Variants in GNAO1 observed in about 807,000 individuals in gnomAD.
GNAO1 encodes the protein G protein subunit alpha o1.
For synonymous variants in GNAO1, 164 were observed against 180.7 expected (o/e 0.91, Z 0.74); for missense variants, 166 against 478.7 (o/e 0.35, Z 6.10).
intron 3 of GNAO1, among the ~76,000 whole-genome samples, chr16:56,295,776 TA>T (rs1371004348): frequency 6.6e-6 from 1 of 152,204 alleles, no homozygotes; most frequent in Non-Finnish European, 1.5e-5. Context: ...TTCCTCCCAA[TA>T]TTCCACCCTG....
At chr16:56,303,853 G>A (rs1411586165) in intron 3 of GNAO1, among the ~76,000 whole-genome samples, 1 of 151,622 alleles carries the variant, frequency 6.6e-6, no homozygotes, top group Non-Finnish European at 1.5e-5. Context: ...CAGCCCTCAA[G>A]TTGAAGCCAG....
intron 5 of GNAO1, among the ~76,000 whole-genome samples, chr16:56,335,608 C>T (rs1286121053): frequency 1.3e-5 from 2 of 152,154 alleles, no homozygotes; most frequent in Non-Finnish European, 1.5e-5. Context: ...ACTGAGGGGC[C>T]GAGGCTCTGG....
intron 3 of GNAO1, among the ~76,000 whole-genome samples, chr16:56,313,218 T>C (rs939685277): frequency 6.6e-6 from 1 of 152,214 alleles, no homozygotes. Flanking sequence ...GGTATGATGC[T>C]TGGGAAAGAA....
At chr16:56,227,797 A>G (rs968204562) in intron 2 of GNAO1, among the ~76,000 whole-genome samples, 2 of 148,778 alleles carry the variant, frequency 1.3e-5, no homozygotes, top group African/African-American at 4.9e-5. Flanking sequence ...CCCTGGTATT[A>G]TTGTTGTTAT....
intron 2 of GNAO1, among the ~76,000 whole-genome samples, chr16:56,208,935 T>A (rs2036358491): frequency 6.6e-6 from 1 of 152,188 alleles, no homozygotes; most frequent in African/African-American, 2.4e-5. Context: ...TGGCTTGTCT[T>A]TTCACTTTGT....
Position 56,232,171 on chromosome 16 carries a change from T to C in GNAO1, c.161+39555T>C, listed in dbSNP as rs559932788. Among the ~76,000 whole-genome samples the C allele has an allele frequency of 9.8e-5, 15 of 152,358 alleles. No homozygotes were observed. The East Asian group carries it at 2.9e-3, about 29-fold the overall frequency. The stretch of plus-strand genomic sequence containing the variant: ...TCATCTTTTGATGCATCCTCCCTCC[T>C]GCAGCCTCTCCTACAAAAATAAAAA... On this transcript the variant is annotated intron_variant, in intron 2 of 8. Coordinates refer to ENST00000262493, the MANE Select transcript of GNAO1 (RefSeq NM_020988.3).
rs1485695005 is a variant in GNAO1, at chr16:56,311,130, G to T, written c.304-17501G>T. Among the ~76,000 whole-genome samples, 1 of 150,616 alleles carries T rather than the reference G, an allele frequency of 6.6e-6. No individual in the cohort carries two copies. Among genetic ancestry groups the T allele is most frequent in the Non-Finnish European group, 1.5e-5 (1 of 67,754 alleles). On this transcript the variant is annotated intron_variant, in intron 3 of 8. Coordinates refer to ENST00000262493, the MANE Select transcript of GNAO1 (RefSeq NM_020988.3). This position sits in a 1 kb window ranked among gnomAD's most constrained non-coding sequence, Gnocchi z 5.2. ...AGAAAGGAACTCCTTTTTTCTAATT[G>T]TACCGGCTGGCTTCTATCTACCCTG... is the stretch of plus-strand genomic sequence containing the variant.
At chr16:56,304,973 T>C (rs1220484211) in intron 3 of GNAO1, among the ~76,000 whole-genome samples, 3 of 152,228 alleles carry the variant, frequency 2.0e-5, no homozygotes, top group Non-Finnish European at 2.9e-5. Flanking sequence ...ACAGGTAGGG[T>C]TAGCCGGCCC....
At chr16:56,275,864 G>A in intron 2 of GNAO1, 67 bp from the exon 3 acceptor site, 1 of 1,419,666 alleles carries the variant, frequency 7.0e-7, no homozygotes, top group Non-Finnish European at 9.5e-7. Context: ...TGCGTCTCAT[G>A]CCTGTGCTCT....
intron 2 of GNAO1, among the ~76,000 whole-genome samples, chr16:56,246,270 C>T (rs950651301): frequency 2.0e-5 from 3 of 152,188 alleles, no homozygotes; most frequent in East Asian, 1.9e-4. Flanking sequence ...CTGAAGCAGT[C>T]GTTAACCTTT....
intron 3 of GNAO1, among the ~76,000 whole-genome samples, chr16:56,293,220 T>C (rs2037249631): frequency 6.6e-6 from 1 of 152,242 alleles, no homozygotes; most frequent in South Asian, 2.1e-4. Context: ...GTCTCTGGCA[T>C]AGTGCTCAGG....
intron 3 of GNAO1, among the ~76,000 whole-genome samples, chr16:56,290,960 G>A (rs1303003186): frequency 1.3e-5 from 2 of 152,180 alleles, no homozygotes; most frequent in African/African-American, 4.8e-5. Flanking sequence ...TTTCCGTGTT[G>A]TAGCTGAATC....
chr16:56,317,398 T>TA (rs552160407), intron 3 of GNAO1, among the ~76,000 whole-genome samples: 61 of 152,288 alleles, frequency 4.0e-4, no homozygotes, highest in Non-Finnish European at 7.3e-4. Flanking sequence ...TGTCAAATGT[T>TA]AAAGTCCTTA....
chr16:56,321,002 A>G (rs2037566321), intron 3 of GNAO1, among the ~76,000 whole-genome samples: 1 of 152,170 alleles, frequency 6.6e-6, no homozygotes, highest in Non-Finnish European at 1.5e-5. Context: ...GTCCCATGGG[A>G]GAGAGAGGGG....
chr16:56,336,616 A>G, intron 5 of GNAO1, 115 bp from the exon 6 acceptor site: 1 of 934,758 alleles, frequency 1.1e-6, no homozygotes, highest in Non-Finnish European at 1.6e-6. Flanking sequence ...GGCTTTTAGC[A>G]AGGCTCTGAG....
chr16:56,197,470 G>T (rs1270883685), intron 2 of GNAO1, among the ~76,000 whole-genome samples: 1 of 152,224 alleles, frequency 6.6e-6, no homozygotes, highest in Non-Finnish European at 1.5e-5. Context: ...GTAAATACCA[G>T]CAGACCTTCC....
At chr16:56,214,814 G>C (rs1370775581) in intron 2 of GNAO1, among the ~76,000 whole-genome samples, 1 of 152,228 alleles carries the variant, frequency 6.6e-6, no homozygotes, top group Non-Finnish European at 1.5e-5. Flanking sequence ...TGCGTACCGG[G>C]TGTTTCTGTC....
rs182950535 is a variant in GNAO1 at position 56,318,931 on chromosome 16, G to A, written c.304-9700G>A. Reference sequence around the variant, plus strand: ...AGTGGGGAGTAGTGAGAGAACAGAGGCTCAGAGGTTCAGTGTTCTGTCCAA... The same window carrying A: ...AGTGGGGAGTAGTGAGAGAACAGAGACTCAGAGGTTCAGTGTTCTGTCCAA... On this transcript the variant is annotated intron_variant, in intron 3 of 8. Coordinates refer to ENST00000262493, the MANE Select transcript of GNAO1 (RefSeq NM_020988.3). Among the ~76,000 whole-genome samples the A allele has an allele frequency of 3.3e-5, 5 of 152,260 alleles. 1 individual carries two copies. Among genetic ancestry groups the A allele is most frequent in the Admixed American group, 3.3e-4 (5 of 15,292 alleles).
At chr16:56,272,134 C>T (rs2143511792) in intron 2 of GNAO1, among the ~76,000 whole-genome samples, 1 of 152,030 alleles carries the variant, frequency 6.6e-6, no homozygotes, top group South Asian at 2.1e-4. Context: ...TCGGTGAAAC[C>T]CCGTCTCTAC....
Sources: gnomAD v4.1 joint callset for allele counts (sites outside exome capture counted in the v4.1 genomes callset) on GRCh38, gnomAD v4.1.1 for gene constraint, Gnocchi (gnomAD v3.1) non-coding constraint, MANE v1.5 for transcripts, NCBI Gene and HGNC (gene_info 2026-07-23, HGNC 2026-07-21) for gene names.